SLC5A4: variants seen among roughly 807,000 people sequenced by gnomAD.
SLC5A4 encodes solute carrier family 5 member 4, also known as probable glucose sensor protein SLC5A4.
Under a neutral mutation model 70.3 loss-of-function variants are expected in SLC5A4, and 55 were observed. The observed-to-expected ratio is 0.78, with a 90% confidence interval of 0.63 to 0.98. The LOEUF (loss-of-function observed/expected upper bound fraction) is 0.98. Among genes scored for constraint, SLC5A4 ranks in the 50% least tolerant of loss-of-function variants. The pLI is 0.00. For missense variants in SLC5A4, 735 were observed against 839.2 expected (o/e 0.88, Z 1.53); for synonymous variants, 268 against 305.7 (o/e 0.88, Z 1.29).
At chr22:32,341,895 TG>T in the SLC5A4 span, among the ~76,000 whole-genome samples, 2 of 152,248 alleles carry the variant, frequency 1.3e-5, no homozygotes, top group African/African-American at 4.8e-5. Flanking sequence ...TTCAGGTCTC[TG>T]CTTAAATTGC....
At chr22:32,304,708 C>T in the SLC5A4 span, among the ~76,000 whole-genome samples, 9 of 152,184 alleles carry the variant, frequency 5.9e-5, no homozygotes, top group African/African-American at 2.2e-4. Context: ...GATAGTATTT[C>T]ACAGAGCAGA....
chr22:32,269,236 A>C, the SLC5A4 span: 2 of 172,880 alleles, frequency 1.2e-5, no homozygotes, highest in Non-Finnish European at 2.4e-5. This position sits in a 1 kb window ranked among gnomAD's most constrained non-coding sequence, Gnocchi z 4.1. Flanking sequence ...GAAAATTTAA[A>C]ATTATACATG....
chr22:32,342,652 T>C, the SLC5A4 span, among the ~76,000 whole-genome samples: 5 of 152,208 alleles, frequency 3.3e-5, no homozygotes, highest in Non-Finnish European at 7.3e-5. Context: ...ATGAAATTAA[T>C]TTAAAATTAA....
At chr22:32,338,008 CTT>C in the SLC5A4 span, among the ~76,000 whole-genome samples, 262 of 151,190 alleles carry the variant, frequency 1.7e-3, 2 homozygotes, top group East Asian at 0.018. Context: ...CTTGAACTCT[CTT>C]GAGTCAGTGT....
At position 32,255,143 on chromosome 22, in the gene SLC5A4, A is replaced by T; in HGVS notation, c.135+52T>A. 5 of 1,218,220 alleles carry T rather than the reference A, an allele frequency of 4.1e-6. 1 individual carries two copies. Among genetic ancestry groups the T allele is most frequent in the South Asian group, 3.6e-5 (3 of 82,610 alleles). The allele number at this position is 1,218,220 out of a possible 1,614,324, so 75.5% of individuals were successfully genotyped here. A position where few individuals can be genotyped will look rare whatever the true frequency, so the allele number is the denominator to read the frequency against. On this transcript the variant is annotated intron_variant, in intron 1 of 14. Transcript: ENST00000266086. ...ACCACACCCCTTCCCCCCTTAAGAT[A>T]CCCCCTCCTAAACCTTGTGCCCACC...
At chr22:32,341,068 G>A in the SLC5A4 span, among the ~76,000 whole-genome samples, 1 of 152,126 alleles carries the variant, frequency 6.6e-6, no homozygotes, top group Non-Finnish European at 1.5e-5. Context: ...GAGATGGTAG[G>A]AGGCAGCGGG....
chr22:32,281,344 G>A, the SLC5A4 span, among the ~76,000 whole-genome samples: 1 of 152,166 alleles, frequency 6.6e-6, no homozygotes, highest in Non-Finnish European at 1.5e-5. Flanking sequence ...GCACAGGGCT[G>A]CTCTCCTCTG....
chr22:32,337,784 C>T, the SLC5A4 span, among the ~76,000 whole-genome samples: 2 of 152,174 alleles, frequency 1.3e-5, no homozygotes, highest in Non-Finnish European at 1.5e-5. Context: ...GGAAGAGATA[C>T]AAGTAGTCAC....
the SLC5A4 span, among the ~76,000 whole-genome samples, chr22:32,288,756 G>A: frequency 6.6e-6 from 1 of 152,048 alleles, no homozygotes; most frequent in African/African-American, 2.4e-5. Flanking sequence ...TTGTTGGTCA[G>A]GTTGGTCTCG....
At chr22:32,239,539 T>TAA (rs1569374687) in intron 5 of SLC5A4, among the ~76,000 whole-genome samples, 1 of 10,474 alleles carries the variant, frequency 9.5e-5, no homozygotes, top group Non-Finnish European at 1.5e-4. Flanking sequence ...TATATATATA[T>TAA]ATATATATAT....
chr22:32,316,838 T>TA, the SLC5A4 span, among the ~76,000 whole-genome samples: 1 of 152,002 alleles, frequency 6.6e-6, no homozygotes, highest in Non-Finnish European at 1.5e-5. Flanking sequence ...ACGCCCTGCC[T>TA]AGTGCATTTT....
At chr22:32,248,187 T>A (rs1036096669) in intron 4 of SLC5A4, among the ~76,000 whole-genome samples, 2 of 152,096 alleles carry the variant, frequency 1.3e-5, no homozygotes, top group Admixed American at 6.5e-5. Flanking sequence ...AGAGAAAAAA[T>A]AAGTGAATAA....
At chr22:32,321,521 ATG>A in the SLC5A4 span, among the ~76,000 whole-genome samples, 2 of 152,174 alleles carry the variant, frequency 1.3e-5, no homozygotes, top group Admixed American at 6.5e-5. Flanking sequence ...ACACAGCTAA[ATG>A]TGTGTCATGG....
chr22:32,232,887 T>C lies in SLC5A4; in HGVS notation c.1021+12A>G. 6.2e-7 allele frequency: 1 copy of C among 1,607,890 alleles called. No individual in the cohort carries two copies. Among genetic ancestry groups the C allele is most frequent in the Non-Finnish European group, 8.5e-7 (1 of 1,177,410 alleles). ...CATAAAAAAAGAGAGAACATACGGA[T>C]TCAGGGCTTACCTGTGTACAGGATG... On this transcript the variant is annotated intron_variant, in intron 9 of 14. Transcript: ENST00000266086.
upstream of SLC5A4, among the ~76,000 whole-genome samples, chr22:32,259,441 G>T (rs1927646122): frequency 6.6e-6 from 1 of 152,066 alleles, no homozygotes; most frequent in African/African-American, 2.4e-5. Flanking sequence ...GCTGAATTTT[G>T]TCAATGCTTT....
At chr22:32,257,220 T>C (rs1927531262), upstream of SLC5A4, among the ~76,000 whole-genome samples, 1 of 152,246 alleles carries the variant, frequency 6.6e-6, no homozygotes, top group Non-Finnish European at 1.5e-5. Flanking sequence ...GAGAGAGATA[T>C]ATTCAACTTC....
the SLC5A4 span, among the ~76,000 whole-genome samples, chr22:32,261,346 C>T: frequency 6.6e-6 from 1 of 152,204 alleles, no homozygotes; most frequent in Non-Finnish European, 1.5e-5. Context: ...TTCACAGGCC[C>T]CTACTCAGTC....
chr22:32,349,501 A>C, the SLC5A4 span, among the ~76,000 whole-genome samples: 1 of 152,198 alleles, frequency 6.6e-6, no homozygotes, highest in African/African-American at 2.4e-5. Flanking sequence ...AAAGTCAAAG[A>C]AGTGGTCTAT....
the SLC5A4 span, among the ~76,000 whole-genome samples, chr22:32,347,982 T>C: frequency 0.057 from 8,744 of 152,216 alleles, 321 homozygotes; most frequent in African/African-American, 0.094. Flanking sequence ...CCAACACTGA[T>C]CAGCTTCGAC....
Sources: allele counts gnomAD v4.1 joint callset (sites outside exome capture counted in the v4.1 genomes callset), GRCh38; gene constraint gnomAD v4.1.1; non-coding constraint Gnocchi (gnomAD v3.1); transcripts MANE v1.5; gene names NCBI Gene and HGNC (gene_info 2026-07-23, HGNC 2026-07-21).